The following CNTNAP5 variants were observed in gnomAD, a reference collection of about 807,000 sequenced individuals.
CNTNAP5 encodes contactin associated protein family member 5.
A neutral mutation model predicts 150.2 loss-of-function variants in CNTNAP5; 72 were observed. The ratio of observed to expected loss-of-function variants is 0.48; its 90% CI spans 0.40 to 0.58. The LOEUF is 0.58. CNTNAP5 is among the 20% of genes least tolerant of loss of function. CNTNAP5 has a pLI of 0.00. For missense variants in CNTNAP5, 1,636 were observed against 1,626.2 expected, an observed-to-expected ratio of 1.01 and a Z score of -0.10; for synonymous variants, 672 against 619.8, an observed-to-expected ratio of 1.08 and a Z score of -1.25.
In CNTNAP5 at chr2:124,583,165, C is replaced by T. The variant is rs138698829; in HGVS notation, c.1756+19842C>T. Among the ~76,000 whole-genome samples the T allele has an allele frequency of 1.8e-3, 280 of 152,104 alleles. 1 individual carries two copies. Among genetic ancestry groups the T allele is most frequent in the Non-Finnish European group, 3.3e-3 (223 of 68,000 alleles). ...ACATTTCACACCTTGCTTCCCTACACGACCTACACTCTTCCATTGCTGGTG... is the reference window on the plus strand; with the variant it reads ...ACATTTCACACCTTGCTTCCCTACATGACCTACACTCTTCCATTGCTGGTG... On this transcript the variant is annotated intron_variant, in intron 11 of 23. Transcript: ENST00000682447.
At chr2:124,711,984 A>G (rs1214392751) in intron 13 of CNTNAP5, among the ~76,000 whole-genome samples, 1 of 152,176 alleles carries the variant, frequency 6.6e-6, no homozygotes, top group African/African-American at 2.4e-5. Flanking sequence ...GCATCTCAAC[A>G]GAAAGAATTA....
At chr2:124,408,353 C>G (rs990999013) in intron 3 of CNTNAP5, among the ~76,000 whole-genome samples, 328 of 152,222 alleles carry the variant, frequency 2.2e-3, no homozygotes, top group Non-Finnish European at 3.5e-3. Context: ...ACAAAGCAGC[C>G]GGGAAGCTCG....
intron 6 of CNTNAP5, among the ~76,000 whole-genome samples, chr2:124,447,265 A>G (rs1692845596): frequency 6.6e-6 from 1 of 152,112 alleles, no homozygotes; most frequent in African/African-American, 2.4e-5. Context: ...CTTAAAAAAA[A>G]GACCTCAGTT....
chr2:124,083,803 A>AT (rs1004277967), intron 1 of CNTNAP5, among the ~76,000 whole-genome samples: 4 of 137,592 alleles, frequency 2.9e-5, no homozygotes, highest in South Asian at 2.5e-4. Context: ...TTTCTTTCTC[A>AT]TTTTTTTTCA....
intron 1 of CNTNAP5, among the ~76,000 whole-genome samples, chr2:124,191,029 G>T (rs568478891): frequency 1.3e-5 from 2 of 152,026 alleles, no homozygotes; most frequent in Non-Finnish European, 2.9e-5. Context: ...GGCTTTTTTT[G>T]AGACATATTT....
chr2:124,592,472 G>C (rs916293084), intron 11 of CNTNAP5, among the ~76,000 whole-genome samples: 17 of 151,310 alleles, frequency 1.1e-4, no homozygotes, highest in African/African-American at 4.1e-4. Flanking sequence ...TGATATGAGT[G>C]ACCACTCATA....
chr2:124,084,532 G>C (rs1190689503), intron 1 of CNTNAP5, among the ~76,000 whole-genome samples: 2 of 152,044 alleles, frequency 1.3e-5, no homozygotes, highest in Non-Finnish European at 2.9e-5. Context: ...GCCTCTCAAA[G>C]TGCTGGGATT....
At chr2:124,620,391 T>C (rs1443833575) in intron 12 of CNTNAP5, among the ~76,000 whole-genome samples, 1 of 152,128 alleles carries the variant, frequency 6.6e-6, no homozygotes, top group Non-Finnish European at 1.5e-5. Flanking sequence ...ATGCCTTCTA[T>C]AAGTCCAAGA....
At chr2:124,194,687 T>C (rs1685540575) in intron 1 of CNTNAP5, among the ~76,000 whole-genome samples, 1 of 150,448 alleles carries the variant, frequency 6.6e-6, no homozygotes, top group African/African-American at 2.4e-5. Context: ...ATAATAATAA[T>C]GTAATTATAA....
chr2:124,034,465 A>G lies in CNTNAP5; in HGVS notation c.82+8733A>G, dbSNP rs183638525. Among the ~76,000 whole-genome samples the G allele has an allele frequency of 2.2e-3, 334 of 152,302 alleles. 4 individuals carry two copies. Among genetic ancestry groups the G allele is most frequent in the Non-Finnish European group, 1.6e-3 (108 of 68,018 alleles). Reference sequence around the variant, plus strand: ...TGTTCTCATTTTATCTCCCATGTAAACAGACAATGAGTAGAGTCTACCTTC... The same window carrying G: ...TGTTCTCATTTTATCTCCCATGTAAGCAGACAATGAGTAGAGTCTACCTTC... On this transcript the variant is annotated intron_variant, in intron 1 of 23. Coordinates refer to ENST00000682447, the MANE Select transcript of CNTNAP5 (RefSeq NM_001367498.1).
intron 1 of CNTNAP5, among the ~76,000 whole-genome samples, chr2:124,123,557 G>A (rs1683617652): frequency 6.6e-6 from 1 of 152,108 alleles, no homozygotes; most frequent in African/African-American, 2.4e-5. Context: ...AGAGAGTAGT[G>A]GTTCTCCCAA....
chr2:124,419,948 CTTTCTTTCCTTT>C (rs1429314063), intron 4 of CNTNAP5, among the ~76,000 whole-genome samples: 30 of 112,830 alleles, frequency 2.7e-4, no homozygotes, highest in African/African-American at 1.0e-3. Context: ...TTCTTTCTTT[CTTTCTTTCCTTT>C]TCTCTCTCTC....
At chr2:124,693,967 G>C (rs917975400) in intron 13 of CNTNAP5, among the ~76,000 whole-genome samples, 3 of 151,970 alleles carry the variant, frequency 2.0e-5, no homozygotes, top group African/African-American at 7.2e-5. Context: ...GAAGACACTT[G>C]CCTGACCCAT....
rs189964677 is a variant in CNTNAP5 at position 124,881,847 on chromosome 2, T to A, written c.3436+12085T>A. ...TCCCACTTTGAAACATGGGCCTTTG[T>A]GCTTTGTCTATGCTTCTATGTGTTT... is the stretch of plus-strand genomic sequence containing the variant. On this transcript the variant is annotated intron_variant, in intron 21 of 23. Transcript: ENST00000682447. Among the ~76,000 whole-genome samples, 225 of 152,218 alleles carry A rather than the reference T, an allele frequency of 1.5e-3. 1 individual carries two copies. Among genetic ancestry groups the A allele is most frequent in the African/African-American group, 5.2e-3 (217 of 41,568 alleles).
chr2:124,026,733 T>C (rs551989958), intron 1 of CNTNAP5, among the ~76,000 whole-genome samples: 1 of 152,232 alleles, frequency 6.6e-6, no homozygotes, highest in Non-Finnish European at 1.5e-5. Context: ...ATCCCTGTCA[T>C]GAAGCTCAGA....
chr2:124,094,669 A>T (rs1682893540), intron 1 of CNTNAP5, among the ~76,000 whole-genome samples: 1 of 152,174 alleles, frequency 6.6e-6, no homozygotes, highest in African/African-American at 2.4e-5. Flanking sequence ...AAATATGTTG[A>T]GGAAGGGGTA....
chr2:124,892,257 TG>T (rs1297231412), intron 21 of CNTNAP5, among the ~76,000 whole-genome samples: 1 of 152,106 alleles, frequency 6.6e-6, no homozygotes, highest in Non-Finnish European at 1.5e-5. Context: ...ATGGAGAAAC[TG>T]GGAAGGAAAT....
intron 3 of CNTNAP5, among the ~76,000 whole-genome samples, chr2:124,411,521 T>C (rs1691763499): frequency 6.8e-6 from 1 of 147,682 alleles, no homozygotes; most frequent in Non-Finnish European, 1.5e-5. Flanking sequence ...ATCAAAAAGC[T>C]TATCCACCAT....
chr2:124,135,981 T>C (rs1573780648), intron 1 of CNTNAP5, among the ~76,000 whole-genome samples: 1 of 152,186 alleles, frequency 6.6e-6, no homozygotes, highest in African/African-American at 2.4e-5. Flanking sequence ...TGTGGTGGCG[T>C]TGAACCTTAA....
Sources: allele counts gnomAD v4.1 joint callset (sites outside exome capture counted in the v4.1 genomes callset), GRCh38; gene constraint gnomAD v4.1.1; transcripts MANE v1.5; gene names NCBI Gene and HGNC (gene_info 2026-07-23, HGNC 2026-07-21).